The following ATP2A2 variants were observed in gnomAD, a reference collection of about 807,000 sequenced individuals.
ATP2A2 encodes ATPase sarcoplasmic/endoplasmic reticulum Ca2+ transporting 2.
In ATP2A2, 14 loss-of-function variants were observed where a neutral mutation model predicts 109.3. The ratio of observed to expected loss-of-function variants is 0.13; its 90% confidence interval spans 0.08 to 0.20. ATP2A2 has a LOEUF of 0.20. ATP2A2 is among the 10% of genes least tolerant of loss of function. ATP2A2 has a pLI of 1.00. For synonymous variants in ATP2A2, 506 were observed against 490.9 expected, an observed-to-expected ratio of 1.03 and a Z score of -0.41; for missense variants, 657 against 1,321.6, an observed-to-expected ratio of 0.50 and a Z score of 7.80.
rs376731879 is a variant in ATP2A2 at position 110,327,718 on chromosome 12, C to G, written c.796C>G (p.Leu266Val). The G allele has an allele frequency of 1.4e-5, 23 of 1,614,016 alleles. No individual in the cohort carries two copies. The African/African-American group carries it at 2.3e-4, about 16-fold the overall frequency. Reference sequence around the variant, plus strand: ...GGAACAGCTTTCCAAAGTCATCTCCCTTATTTGCATTGCAGTCTGGATCAT... The same window carrying G: ...GGAACAGCTTTCCAAAGTCATCTCCGTTATTTGCATTGCAGTCTGGATCAT... Reference protein sequence around the residue: ...FGEQLSKVISLICIAVWIINI... With the variant: ...FGEQLSKVISVICIAVWIINI... Residue 266 changes from leucine (L) to valine (V), a missense_variant, in exon 8 of 20, where the codon CTT becomes GTT. This residue lies in a region of ATP2A2 where 136 missense variants were observed against 343.9 expected (regional missense o/e 0.40). Coordinates refer to ENST00000539276, the MANE Select transcript of ATP2A2 (RefSeq NM_170665.4). This position sits in a 1 kb window ranked among gnomAD's most constrained non-coding sequence, Gnocchi z 4.4.
intron 3 of ATP2A2, among the ~76,000 whole-genome samples, chr12:110,286,523 A>G (rs1273517005): frequency 6.6e-6 from 1 of 152,190 alleles, no homozygotes; most frequent in African/African-American, 2.4e-5. Flanking sequence ...TCATGCCTGA[A>G]AGCATTGAAT....
At chr12:110,290,110 C>G (rs1873102920) in intron 3 of ATP2A2, among the ~76,000 whole-genome samples, 1 of 152,188 alleles carries the variant, frequency 6.6e-6, no homozygotes, top group Admixed American at 6.5e-5. Flanking sequence ...GGAGGATAAC[C>G]TACAAAATAC....
In ATP2A2 at chr12:110,305,806, A is replaced by G. The variant is rs1447650880; in HGVS notation, c.463+9069A>G. Among the ~76,000 whole-genome samples the G allele has an allele frequency of 6.6e-5, 10 of 151,914 alleles. 1 individual carries two copies. The South Asian group carries it at 8.3e-4, about 13-fold the overall frequency. On this transcript the variant is annotated intron_variant, in intron 5 of 19. Coordinates refer to ENST00000539276, the MANE Select transcript of ATP2A2 (RefSeq NM_170665.4). ...TTTCAGTAAGAATTGTGTTGTATCT[A>G]TAGATGAGTTTGGGAAATATGGTCG...
In ATP2A2 at chr12:110,339,522, T is replaced by C; in HGVS notation, c.1562T>C (p.Ile521Thr). 1 of 1,614,136 alleles carries C rather than the reference T, an allele frequency of 6.2e-7. No individual in the cohort carries two copies. Among genetic ancestry groups the C allele is most frequent in the East Asian group, 2.2e-5 (1 of 44,880 alleles). Residue 521 changes from isoleucine (I) to threonine (T), a missense_variant, in exon 13 of 20, where the codon ATT (isoleucine) becomes ACT (threonine). Physicochemically the swap from Ile to Thr is moderately conservative, Grantham distance 89. This residue lies in a region of ATP2A2 where 180 missense variants were observed against 329.1 expected (regional missense o/e 0.55). Coordinates refer to ENST00000539276, the MANE Select transcript of ATP2A2 (RefSeq NM_170665.4). The surrounding 1 kb of genome is among the most constrained non-coding windows in gnomAD (Gnocchi z 4.4). ...TTCCAGGGTGCTCCTGAAGGTGTCA[T>C]TGACAGGTGCACCCACATTCGAGTT... is the stretch of plus-strand genomic sequence containing the variant. The part of the protein sequence containing the change: ...MFVKGAPEGV[I>T]DRCTHIRVGS...
In ATP2A2 at chr12:110,350,373, A is replaced by T. The variant is rs1880290672; in HGVS notation, c.*3903A>T. 2 of 1,612,348 alleles carry T rather than the reference A, an allele frequency of 1.2e-6. No individual in the cohort carries two copies. Among genetic ancestry groups the T allele is most frequent in the Non-Finnish European group, 1.7e-6 (2 of 1,178,370 alleles). ...TGCGTGCATGTGCGTTTTTAGCAACACATCTACCAACCCTGTGCATGACTG... is the reference window on the plus strand; with the variant it reads ...TGCGTGCATGTGCGTTTTTAGCAACTCATCTACCAACCCTGTGCATGACTG... On this transcript the variant is annotated 3_prime_UTR_variant, in exon 20 of 20. Coordinates refer to ENST00000539276, the MANE Select transcript of ATP2A2 (RefSeq NM_170665.4).
chr12:110,345,925 C>G (rs1007008953), intron 18 of ATP2A2, 76 bp from the exon 19 acceptor site: 5 of 1,413,264 alleles, frequency 3.5e-6, no homozygotes, highest in Admixed American at 1.7e-5. Flanking sequence ...GAAGTGTAGT[C>G]CAACAGGGTC....
intron 5 of ATP2A2, among the ~76,000 whole-genome samples, chr12:110,315,165 AAT>A (rs1240360092): frequency 6.6e-6 from 1 of 152,068 alleles, no homozygotes; most frequent in African/African-American, 2.4e-5. Flanking sequence ...CGCGCCCGGC[AAT>A]ATACTGTTAA....
At chr12:110,311,029 GT>G (rs1875974028) in intron 5 of ATP2A2, among the ~76,000 whole-genome samples, 1 of 152,210 alleles carries the variant, frequency 6.6e-6, no homozygotes. Context: ...TTGGAGTACT[GT>G]TTCAAGGAGC....
intron 11 of ATP2A2, among the ~76,000 whole-genome samples, chr12:110,335,711 G>A (rs1034428798): frequency 9.9e-5 from 15 of 152,242 alleles, no homozygotes; most frequent in African/African-American, 3.1e-4. Context: ...TACAGAAGCA[G>A]CTCAAGAATG....
chr12:110,349,203 C>A lies in ATP2A2; in HGVS notation c.*2733C>A. The A allele has an allele frequency of 1.0e-6, 1 of 985,572 alleles. No individual in the cohort carries two copies. The highest frequency in any genetic ancestry group is 1.2e-6 in the Non-Finnish European group (1 of 830,042). The allele number at this position is 985,572 out of a possible 1,614,324, so 61.1% of individuals were successfully genotyped here. On this transcript the variant is annotated 3_prime_UTR_variant, in exon 20 of 20. Transcript: ENST00000539276. ...GGGTGAAAACACTTCAGCATCTCCTCCTCAGGTCAACCCATAAAGACCAGG... is the reference window on the plus strand; with the variant it reads ...GGGTGAAAACACTTCAGCATCTCCTACTCAGGTCAACCCATAAAGACCAGG...
chr12:110,313,799 C>T (rs1876366537), intron 5 of ATP2A2, among the ~76,000 whole-genome samples: 1 of 150,726 alleles, frequency 6.6e-6, no homozygotes, highest in African/African-American at 2.4e-5. Flanking sequence ...GAACCTCTGC[C>T]TCCTGGGTTC....
At chr12:110,311,614 A>C (rs976865139) in intron 5 of ATP2A2, among the ~76,000 whole-genome samples, 56 of 135,400 alleles carry the variant, frequency 4.1e-4, no homozygotes, top group African/African-American at 1.4e-3. Context: ...AAAAAAAAAA[A>C]AAAAAAAACG....
At chr12:110,336,456 T>C (rs1309643643) in intron 11 of ATP2A2, among the ~76,000 whole-genome samples, 4 of 152,176 alleles carry the variant, frequency 2.6e-5, no homozygotes, top group East Asian at 3.8e-4. Context: ...CATTGTGTCA[T>C]TGGGGGGTAG....
intron 5 of ATP2A2, among the ~76,000 whole-genome samples, chr12:110,315,744 C>G (rs1014478917): frequency 6.6e-6 from 1 of 152,154 alleles, no homozygotes; most frequent in African/African-American, 2.4e-5. Flanking sequence ...AGTTCGAGAC[C>G]AGCCTGGCCA....
At chr12:110,284,353 C>T (rs781282422) in intron 3 of ATP2A2, among the ~76,000 whole-genome samples, 29 of 152,156 alleles carry the variant, frequency 1.9e-4, no homozygotes, top group Non-Finnish European at 4.0e-4. Context: ...TAATGGGGTC[C>T]GATAAGGTCA....
chr12:110,312,102 C>T (rs998405989), intron 5 of ATP2A2, among the ~76,000 whole-genome samples: 3 of 152,038 alleles, frequency 2.0e-5, no homozygotes, highest in East Asian at 1.9e-4. Context: ...TCAGTTGAGC[C>T]TGGGAGGTCA....
At chr12:110,335,942 A>G (rs1291682945) in intron 11 of ATP2A2, among the ~76,000 whole-genome samples, 3 of 152,232 alleles carry the variant, frequency 2.0e-5, no homozygotes, top group African/African-American at 7.2e-5. Flanking sequence ...TTGTTGGGCA[A>G]GAGCCCTCCT....
chr12:110,306,074 G>A (rs901302876), intron 5 of ATP2A2, among the ~76,000 whole-genome samples: 15 of 152,138 alleles, frequency 9.9e-5, no homozygotes, highest in East Asian at 3.9e-4. Context: ...CTCTTTCACC[G>A]CTATGACAGG....
chr12:110,343,578 T>TC, intron 16 of ATP2A2, 144 bp downstream of exon 16: 2 of 943,396 alleles, frequency 2.1e-6, no homozygotes, highest in Non-Finnish European at 3.3e-6. Context: ...TACAGTTCGA[T>TC]GAACTATACA....
Sources: allele counts gnomAD v4.1 joint callset (sites outside exome capture counted in the v4.1 genomes callset), GRCh38; gene constraint gnomAD v4.1.1; regional missense constraint gnomAD v4.1.1; non-coding constraint Gnocchi (gnomAD v3.1); transcripts MANE v1.5; gene names NCBI Gene and HGNC (gene_info 2026-07-23, HGNC 2026-07-21).